The following ETFA variants were observed in gnomAD, a reference collection of about 807,000 sequenced individuals.
The protein encoded by ETFA is electron transfer flavoprotein subunit alpha, also known as electron transfer flavoprotein subunit alpha, mitochondrial.
Under a neutral mutation model 46.2 loss-of-function variants are expected in ETFA, and 22 were observed. The ratio of observed to expected loss-of-function variants is 0.48; its 90% CI spans 0.34 to 0.68. The LOEUF (loss-of-function observed/expected upper bound fraction) is 0.68. Ranked by LOEUF, ETFA falls within the 30% of genes least tolerant of loss-of-function variation. The pLI is 0.01. For synonymous variants in ETFA, 131 were observed against 139.9 expected (o/e 0.94, Z 0.45); for missense variants, 345 against 401.1 (o/e 0.86, Z 1.19).
chr15:76,243,536 G>A (rs2039212733), intron 9 of ETFA, among the ~76,000 whole-genome samples: 2 of 149,354 alleles, frequency 1.3e-5, no homozygotes, highest in African/African-American at 4.8e-5. Context: ...AGTAGCTCAC[G>A]CCAGTAATCC....
chr15:76,219,724 CT>C (rs550980779), intron 11 of ETFA, among the ~76,000 whole-genome samples: 13 of 152,322 alleles, frequency 8.5e-5, no homozygotes, highest in Middle Eastern at 3.4e-3. Flanking sequence ...TTTTCATATG[CT>C]TATGTGCTTA....
intron 9 of ETFA, among the ~76,000 whole-genome samples, chr15:76,257,362 C>T (rs944836517): frequency 9.2e-5 from 14 of 152,012 alleles, no homozygotes; most frequent in African/African-American, 1.7e-4. Flanking sequence ...AGTGTCTGTT[C>T]GGAACAGAAC....
intron 9 of ETFA, among the ~76,000 whole-genome samples, chr15:76,252,951 G>A (rs1023541508): frequency 1.3e-5 from 2 of 149,448 alleles, no homozygotes; most frequent in African/African-American, 5.0e-5. Context: ...TATGCAAGCT[G>A]GAGTGCAGTG....
chr15:76,303,259 G>C (rs1404888296), intron 1 of ETFA, among the ~76,000 whole-genome samples: 4 of 152,074 alleles, frequency 2.6e-5, no homozygotes, highest in African/African-American at 9.7e-5. Context: ...AGTGAGCCAA[G>C]ATTGCACCCT....
chr15:76,304,992 G>A (rs1881292989), intron 1 of ETFA, among the ~76,000 whole-genome samples: 1 of 148,820 alleles, frequency 6.7e-6, no homozygotes, highest in Non-Finnish European at 1.5e-5. Context: ...GCAGTGAGTC[G>A]AGATGGCGCC....
At chr15:76,269,161 G>A (rs1319280953) in intron 9 of ETFA, among the ~76,000 whole-genome samples, 1 of 152,206 alleles carries the variant, frequency 6.6e-6, no homozygotes, top group African/African-American at 2.4e-5. Flanking sequence ...AGCCACCGCT[G>A]GAGAGAAAGC....
intron 8 of ETFA, among the ~76,000 whole-genome samples, chr15:76,282,210 C>A (rs992249431): frequency 2.6e-5 from 4 of 152,048 alleles, no homozygotes; most frequent in African/African-American, 4.8e-5. Flanking sequence ...GCCATGTATC[C>A]TTATAAGAGG....
intron 9 of ETFA, among the ~76,000 whole-genome samples, chr15:76,255,499 A>G (rs2039338318): frequency 6.6e-6 from 1 of 152,226 alleles, no homozygotes; most frequent in African/African-American, 2.4e-5. Context: ...AAATCAGGAA[A>G]ACAAATCATG....
rs1020008502 is a variant in ETFA at position 76,250,046 on chromosome 15, A to T, written c.817-18648T>A. Among the ~76,000 whole-genome samples the T allele has an allele frequency of 5.9e-5, 9 of 152,242 alleles. 1 individual carries two copies. Among genetic ancestry groups the T allele is most frequent in the African/African-American group, 1.2e-4 (5 of 41,472 alleles). ...CAAGTAAACATTATTAATAATCTTC[A>T]TGGTAACATTATTTGTAAGCAAGAA... On this transcript the variant is annotated intron_variant, in intron 9 of 11. Transcript: ENST00000557943.
At chr15:76,301,704 T>TCAAAA (rs5813829) in intron 1 of ETFA, among the ~76,000 whole-genome samples, 107 of 151,488 alleles carry the variant, frequency 7.1e-4, no homozygotes, top group South Asian at 2.1e-3. Flanking sequence ...AGACTCCATC[T>TCAAAA]CAAAACAAAA....
chr15:76,271,255 T>A (rs1309392547), intron 9 of ETFA, among the ~76,000 whole-genome samples: 1 of 151,138 alleles, frequency 6.6e-6, no homozygotes, highest in Non-Finnish European at 1.5e-5. Context: ...TGTATTACAA[T>A]GGGAAAAGTA....
At chr15:76,267,573 T>C (rs1247343087) in intron 9 of ETFA, among the ~76,000 whole-genome samples, 1 of 152,078 alleles carries the variant, frequency 6.6e-6, no homozygotes, top group Non-Finnish European at 1.5e-5. Context: ...GATCTACTAA[T>C]GGAAAAGCCT....
intron 8 of ETFA, among the ~76,000 whole-genome samples, chr15:76,281,400 G>A (rs2039649331): frequency 6.6e-6 from 1 of 151,084 alleles, no homozygotes; most frequent in Non-Finnish European, 1.5e-5. Context: ...CATCCTATTA[G>A]TCTCCCTAAC....
In ETFA at chr15:76,283,757, C is replaced by T; in HGVS notation, c.733G>A (p.Val245Ile). 2 of 1,582,700 alleles carry T rather than the reference C, an allele frequency of 1.3e-6. No individual in the cohort carries two copies. Among genetic ancestry groups the T allele is most frequent in the African/African-American group, 1.3e-5 (1 of 74,366 alleles). Residue 245 changes from valine to isoleucine, a missense_variant and splice_region_variant, in exon 8 of 12, where the codon GTT (valine) becomes ATT (isoleucine). Val to Ile is a conservative substitution (Grantham distance 29). Transcript: ENST00000557943. ...TTTCTACTAAGGAAAATAACTTTAC[C>T]TGCAGCATGTAGTTGATCTGCCAAG... ...YDLADQLHAAVGASRAAVDAG... is the reference protein window; with the variant it reads ...YDLADQLHAAIGASRAAVDAG...
chr15:76,260,889 G>A (rs1435773986), intron 9 of ETFA: 2 of 1,611,944 alleles, frequency 1.2e-6, no homozygotes, highest in Non-Finnish European at 1.7e-6. Context: ...GACCACAACA[G>A]CCAGGACTTC....
chr15:76,262,216 C>A (rs1371600902), intron 9 of ETFA, among the ~76,000 whole-genome samples: 1 of 151,278 alleles, frequency 6.6e-6, no homozygotes, highest in Non-Finnish European at 1.5e-5. Context: ...ATGATCCAAG[C>A]TATAGAGTAG....
intron 1 of ETFA, among the ~76,000 whole-genome samples, chr15:76,298,919 T>C (rs1189141591): frequency 1.3e-5 from 2 of 152,164 alleles, no homozygotes; most frequent in Non-Finnish European, 2.9e-5. Flanking sequence ...AAAATACATG[T>C]CCATTATTGA....
intron 8 of ETFA, among the ~76,000 whole-genome samples, chr15:76,278,701 T>C (rs543702854): frequency 5.9e-5 from 9 of 152,230 alleles, no homozygotes; most frequent in Admixed American, 4.6e-4. Flanking sequence ...CTATACCTCT[T>C]TAGCATCCTC....
chr15:76,285,644 T>C lies in ETFA; in HGVS notation c.657A>G (p.Val219=), dbSNP rs2039698152. 6 of 1,576,686 alleles carry C rather than the reference T, an allele frequency of 3.8e-6. No individual in the cohort carries two copies. The East Asian group carries it at 1.3e-4, about 35-fold the overall frequency. Residue 219 remains valine (V), a synonymous_variant, in exon 7 of 12, where the codon GTA becomes GTG. Coordinates refer to ENST00000557943, the MANE Select transcript of ETFA (RefSeq NM_000126.4). ...RPELTGAKVV[V]SGGRGLKSGE... is the part of the protein sequence containing the mutation. ...GATTAATATTTCACTTACCACCAGATACCACCACTTTGGCACCTGTTAGCT... is the reference window on the plus strand; with the variant it reads ...GATTAATATTTCACTTACCACCAGACACCACCACTTTGGCACCTGTTAGCT...
Sources: gnomAD v4.1 joint callset for allele counts (sites outside exome capture counted in the v4.1 genomes callset) on GRCh38, gnomAD v4.1.1 for gene constraint, MANE v1.5 for transcripts, NCBI Gene and HGNC (gene_info 2026-07-23, HGNC 2026-07-21) for gene names.